Variants in PCBD2 observed in about 807,000 individuals in gnomAD.
PCBD2 encodes the protein pterin-4-alpha-carbinolamine dehydratase 2.
In PCBD2, 12 loss-of-function variants were observed where a neutral mutation model predicts 16.4. The ratio of observed to expected loss-of-function variants is 0.73; its 90% CI spans 0.47 to 1.19. PCBD2 has a LOEUF of 1.19. PCBD2 is among the 50% of genes most tolerant of loss of function. The pLI is 0.00. For missense variants in PCBD2, 138 were observed against 156.8 expected (o/e 0.88, Z 0.64); for synonymous variants, 58 against 61.8 (o/e 0.94, Z 0.29).
rs535094634 is a variant in PCBD2 at position 134,942,268 on chromosome 5, G to A, written c.217-16772G>A. On this transcript the variant is annotated intron_variant, in intron 2 of 3. Transcript: ENST00000254908. Reference sequence around the variant, plus strand: ...TAAAGATGCACACATGGAGGCTTTGGAGCTGGACATAGGGGACTTGAATTT... The same window carrying A: ...TAAAGATGCACACATGGAGGCTTTGAAGCTGGACATAGGGGACTTGAATTT... 5.9e-5 allele frequency among the ~76,000 whole-genome samples: 9 copies of A among 151,996 alleles called. No individual in the cohort carries two copies. The South Asian group carries it at 1.9e-3, about 32-fold the overall frequency.
intron 2 of PCBD2, among the ~76,000 whole-genome samples, chr5:134,929,338 C>A (rs1751063684): frequency 7.0e-6 from 1 of 142,958 alleles, no homozygotes; most frequent in Admixed American, 7.1e-5. Flanking sequence ...TAGAGCGAGA[C>A]CTTGTCTCAA....
intron 2 of PCBD2, chr5:134,924,894 G>A (rs1226078902): frequency 5.1e-6 from 2 of 390,358 alleles, no homozygotes; most frequent in Non-Finnish European, 9.1e-6. Flanking sequence ...GTATATTAGA[G>A]AAGTAAAATG....
chr5:134,926,201 T>C (rs540616376), intron 2 of PCBD2: 3 of 320,404 alleles, frequency 9.4e-6, no homozygotes, highest in South Asian at 1.6e-4. Context: ...ATAAATATTA[T>C]GGAGAAATAA....
intron 2 of PCBD2, chr5:134,925,178 G>T (rs1750971455): frequency 2.5e-6 from 1 of 398,234 alleles, no homozygotes; most frequent in Non-Finnish European, 4.4e-6. Context: ...AGGGTGAGAA[G>T]AATTATTCGA....
chr5:134,941,617 T>G (rs903335560), intron 2 of PCBD2, among the ~76,000 whole-genome samples: 1 of 152,158 alleles, frequency 6.6e-6, no homozygotes, highest in Non-Finnish European at 1.5e-5. Context: ...TGTGAGACTG[T>G]GAAGCTTCTA....
intron 2 of PCBD2, among the ~76,000 whole-genome samples, chr5:134,947,129 G>C (rs963136870): frequency 6.8e-6 from 1 of 148,038 alleles, no homozygotes; most frequent in East Asian, 2.0e-4. Context: ...TTTTGCTCTT[G>C]TTGCCCAGGC....
chr5:134,930,963 GCTGGA>G (rs1751085627), intron 2 of PCBD2, among the ~76,000 whole-genome samples: 1 of 151,904 alleles, frequency 6.6e-6, no homozygotes, highest in South Asian at 2.1e-4. Context: ...TGTTGCCCAC[GCTGGA>G]ATGCAGTGGC....
At chr5:134,912,548 T>G (rs535775605) in intron 2 of PCBD2, among the ~76,000 whole-genome samples, 1 of 152,344 alleles carries the variant, frequency 6.6e-6, no homozygotes, top group Admixed American at 6.5e-5. Flanking sequence ...GGTATTTTAA[T>G]AAATCGTATC....
At chr5:134,909,936 G>T (rs2149529804) in intron 1 of PCBD2, among the ~76,000 whole-genome samples, 1 of 152,250 alleles carries the variant, frequency 6.6e-6, no homozygotes, top group East Asian at 1.9e-4. Flanking sequence ...TGGGTGTGGT[G>T]GTGTGCACCT....
At chr5:134,917,676 G>C (rs1326505976) in intron 2 of PCBD2, among the ~76,000 whole-genome samples, 1 of 152,186 alleles carries the variant, frequency 6.6e-6, no homozygotes, top group Admixed American at 6.5e-5. Context: ...CTCACCTTTT[G>C]GTTGCTGTGC....
Position 134,910,784 on chromosome 5 carries a change from C to A in PCBD2, c.216+318C>A, listed in dbSNP as rs960823845. 2.0e-5 allele frequency among the ~76,000 whole-genome samples: 3 copies of A among 152,098 alleles called. 1 individual carries two copies. Among genetic ancestry groups the A allele is most frequent in the African/African-American group, 7.2e-5 (3 of 41,390 alleles). Reference sequence around the variant, plus strand: ...AATAACATTAAAAGAGAGTGTAAGCCTTTTATTATTGATTATTATTTTTTG... The same window carrying A: ...AATAACATTAAAAGAGAGTGTAAGCATTTTATTATTGATTATTATTTTTTG... On this transcript the variant is annotated intron_variant, in intron 2 of 3. Transcript: ENST00000254908.
chr5:134,914,387 A>G (rs1750802523), intron 2 of PCBD2, among the ~76,000 whole-genome samples: 1 of 152,186 alleles, frequency 6.6e-6, no homozygotes, highest in African/African-American at 2.4e-5. Context: ...GCTGGTTGCT[A>G]AGCAGTTCTC....
At chr5:134,933,658 C>T (rs189917688) in intron 2 of PCBD2, among the ~76,000 whole-genome samples, 2 of 152,322 alleles carry the variant, frequency 1.3e-5, no homozygotes, top group East Asian at 1.9e-4. Context: ...TGTGAGCCCA[C>T]CTTTTCTAAA....
intron 2 of PCBD2, among the ~76,000 whole-genome samples, chr5:134,945,246 C>T (rs1404081480): frequency 3.3e-5 from 5 of 152,146 alleles, no homozygotes; most frequent in African/African-American, 1.2e-4. Flanking sequence ...TGACTTTCCT[C>T]TGATGGGATT....
chr5:134,909,065 A>G (rs549548821), intron 1 of PCBD2: 10 of 152,368 alleles, frequency 6.6e-5, no homozygotes, highest in Admixed American at 5.9e-4. Flanking sequence ...TCAAGTGTCC[A>G]TATCTTCTCT....
intron 2 of PCBD2, among the ~76,000 whole-genome samples, chr5:134,918,393 T>C (rs889802101): frequency 3.3e-5 from 5 of 152,046 alleles, no homozygotes; most frequent in African/African-American, 1.2e-4. Context: ...TAATACCAGC[T>C]ACTTGGGAGG....
At chr5:134,906,391 A>G (rs963912002) in intron 1 of PCBD2, among the ~76,000 whole-genome samples, 8 of 151,332 alleles carry the variant, frequency 5.3e-5, no homozygotes, top group Non-Finnish European at 8.8e-5. Flanking sequence ...TTTTTAGTAG[A>G]GGCGGGGTTT....
At chr5:134,949,711 C>G (rs936414940) in intron 2 of PCBD2, among the ~76,000 whole-genome samples, 1 of 152,136 alleles carries the variant, frequency 6.6e-6, no homozygotes, top group Non-Finnish European at 1.5e-5. Context: ...CAGTGTTCCA[C>G]GTGAAAGTCT....
chr5:134,910,660 G>A (rs1313099776), intron 2 of PCBD2, among the ~76,000 whole-genome samples, 194 bp downstream of exon 2: 1 of 152,216 alleles, frequency 6.6e-6, no homozygotes. Context: ...TTAGCTCTGG[G>A]GGAAGAGGGT....
Sources: gnomAD v4.1 joint callset for allele counts (sites outside exome capture counted in the v4.1 genomes callset) on GRCh38, gnomAD v4.1.1 for gene constraint, MANE v1.5 for transcripts, NCBI Gene and HGNC (gene_info 2026-07-23, HGNC 2026-07-21) for gene names.